Variants in PCNT observed in about 807,000 individuals in gnomAD.
PCNT encodes kendrin.
PCNT carries 319 observed loss-of-function variants against 380.4 expected under a neutral mutation model. That is an observed-to-expected ratio of 0.84 (90% CI 0.77 to 0.92). The LOEUF is 0.92. Among genes scored for constraint, PCNT ranks in the 40% least tolerant of loss-of-function variants. The pLI, the probability that PCNT is intolerant of heterozygous loss-of-function variation, is 0.00. For missense variants in PCNT, 4,400 were observed against 4,255.3 expected, an observed-to-expected ratio of 1.03 and a Z score of -0.95; for synonymous variants, 1,845 against 1,735.2, an observed-to-expected ratio of 1.06 and a Z score of -1.57.
chr21:46,351,493 T>C lies in PCNT; in HGVS notation c.1409T>C (p.Leu470Ser). The change falls in exon 9 of 47, where the codon TTG becomes TCG. Residue 470 changes from leucine (L) to serine (S), a missense_variant. By Grantham distance (145) the Leu-to-Ser change is moderately radical (BLOSUM62 -2). Coordinates refer to ENST00000359568, the MANE Select transcript of PCNT (RefSeq NM_006031.6). ...KAQSQEEIRR[L>S]WSQLDSARTS... ...CAATCACAAGAAGAGATCAGGCGCT[T>C]GTGGTCCCAGCTTGATTCTGCCAGG... 1 of 1,613,356 alleles carries C rather than the reference T, an allele frequency of 6.2e-7. No homozygotes were observed.
chr21:46,369,659 G>A (rs1569210953), intron 15 of PCNT, among the ~76,000 whole-genome samples: 2 of 152,230 alleles, frequency 1.3e-5, no homozygotes, highest in Non-Finnish European at 2.9e-5. Flanking sequence ...CACATGAAGT[G>A]TGTGTTTCAA....
At chr21:46,415,280 C>T (rs997942569) in intron 29 of PCNT, among the ~76,000 whole-genome samples, 3 of 151,512 alleles carry the variant, frequency 2.0e-5, no homozygotes, top group African/African-American at 4.9e-5. Flanking sequence ...CATGTGCTCT[C>T]GGGAAATACA....
intron 15 of PCNT, among the ~76,000 whole-genome samples, chr21:46,369,953 CGGGGGAGCCGGAGGTTCT>C (rs2085059160): frequency 6.6e-6 from 1 of 152,122 alleles, no homozygotes; most frequent in Non-Finnish European, 1.5e-5. Flanking sequence ...CTGGAGGAGC[CGGGGGAGCCGGAGGTTCT>C]GGGGGTGCTG....
At chr21:46,410,990 G>C (rs2086766394) in intron 27 of PCNT, among the ~76,000 whole-genome samples, 199 bp from the exon 28 acceptor site, 2 of 152,222 alleles carry the variant, frequency 1.3e-5, no homozygotes, top group Admixed American at 6.5e-5. Context: ...TGGAGCACAA[G>C]GTGTGCACCA....
At chr21:46,418,103 T>G in intron 30 of PCNT, 101 bp from the exon 31 acceptor site, 1 of 734,544 alleles carries the variant, frequency 1.4e-6, no homozygotes, top group Non-Finnish European at 2.5e-6. Context: ...GGGGTCTATG[T>G]GGGAAGATAA....
intron 42 of PCNT, 73 bp from the exon 43 acceptor site, chr21:46,440,782 G>A (rs2053588255): frequency 3.4e-6 from 3 of 895,248 alleles, no homozygotes; most frequent in Non-Finnish European, 5.6e-6. Context: ...AAGAGCAATG[G>A]TGTTAATGTG....
intron 1 of PCNT, among the ~76,000 whole-genome samples, chr21:46,325,673 A>C (rs778338061): frequency 6.6e-6 from 1 of 152,170 alleles, no homozygotes; most frequent in African/African-American, 2.4e-5. Context: ...GAGGGAACAG[A>C]TGTCTCCCCG....
At chr21:46,413,417 G>A (rs941226185) in intron 29 of PCNT, among the ~76,000 whole-genome samples, 2 of 152,232 alleles carry the variant, frequency 1.3e-5, no homozygotes, top group Admixed American at 1.3e-4. Context: ...TGTGGGTCTT[G>A]CCCTGGGCAG....
intron 24 of PCNT, among the ~76,000 whole-genome samples, chr21:46,398,910 C>T (rs562293172): frequency 8.6e-5 from 13 of 151,238 alleles, no homozygotes; most frequent in African/African-American, 3.2e-4. Flanking sequence ...AGCTCCACCT[C>T]CCGGGTTCAC....
Position 46,421,962 on chromosome 21 carries a change from G to A in PCNT, c.7025-8G>A, listed in dbSNP as rs1650267051. On this transcript the variant is annotated splice_region_variant and splice_polypyrimidine_tract_variant and intron_variant, in intron 31 of 46. Coordinates refer to ENST00000359568, the MANE Select transcript of PCNT (RefSeq NM_006031.6). Reference sequence around the variant, plus strand: ...GTGGGTGGGACCCTGACCCTGTGGTGTTTTTAGGTGACGGCTCGGGTTTTG... The same window carrying A: ...GTGGGTGGGACCCTGACCCTGTGGTATTTTTAGGTGACGGCTCGGGTTTTG... 6 of 1,613,968 alleles carry A rather than the reference G, an allele frequency of 3.7e-6. No homozygotes were observed. Among genetic ancestry groups the A allele is most frequent in the Non-Finnish European group, 5.1e-6 (6 of 1,179,870 alleles).
At position 46,363,751 on chromosome 21, in the gene PCNT, A is replaced by C. The variant is rs1569201678; in HGVS notation, c.2426A>C (p.Asp809Ala). 1 of 1,614,228 alleles carries C rather than the reference A, an allele frequency of 6.2e-7. No homozygotes were observed. The change falls in exon 14 of 47, where the codon GAT becomes GCT. Residue 809 changes from aspartate to alanine, a missense_variant. Asp to Ala is a moderately radical substitution (Grantham distance 126). Transcript: ENST00000359568. ...GACCAACAGGCAGCCCAGATCCTGGATCTGGAGAGGTCCTTGACGGAGCAG... is the reference window on the plus strand; with the variant it reads ...GACCAACAGGCAGCCCAGATCCTGGCTCTGGAGAGGTCCTTGACGGAGCAG... The part of the protein sequence containing the change: ...LQDQQAAQIL[D>A]LERSLTEQQG...
At chr21:46,430,399 C>T (rs2087700102) in intron 36 of PCNT, 108 bp from the exon 37 acceptor site, 1 of 1,460,318 alleles carries the variant, frequency 6.8e-7, no homozygotes, top group Non-Finnish European at 9.4e-7. Context: ...GGGGGTGAAG[C>T]ACACGTGTGG....
chr21:46,367,237 G>T (rs932921513), intron 15 of PCNT, 98 bp downstream of exon 15: 104 of 1,008,476 alleles, frequency 1.0e-4, no homozygotes, highest in Non-Finnish European at 1.5e-4. Context: ...TGCTGTGTGT[G>T]CCTGTGCGGG....
In PCNT at chr21:46,440,837, C is replaced by A; in HGVS notation, c.9394-18C>A. ...CTTTGTTTCCTATGATAAAATTTTA[C>A]TGCTTTTTTTCTTTTAGATGGAAAA... On this transcript the variant is annotated intron_variant, in intron 42 of 46. Coordinates refer to ENST00000359568, the MANE Select transcript of PCNT (RefSeq NM_006031.6). 1 of 1,471,208 alleles carries A rather than the reference C, an allele frequency of 6.8e-7. No homozygotes were observed. The highest frequency in any genetic ancestry group is 9.5e-7 in the Non-Finnish European group (1 of 1,050,012). 91.1% of individuals were successfully genotyped at this position (1,471,208 alleles called of 1,614,324 possible).
chr21:46,359,491 G>GTTGTTTTTTTT (rs2084618556), intron 13 of PCNT, among the ~76,000 whole-genome samples: 2 of 66,048 alleles, frequency 3.0e-5, no homozygotes, highest in African/African-American at 9.5e-5. Context: ...TTTTTTTTTT[G>GTTGTTTTTTTT]TTTTTTTTTT....
At position 46,363,818 on chromosome 21, in the gene PCNT, C is replaced by A; in HGVS notation, c.2493C>A (p.Asp831Glu). Residue 831 changes from aspartate to glutamate, a missense_variant, in exon 14 of 47, where the codon GAC (aspartate) becomes GAA (glutamate). Asp to Glu is a conservative substitution (Grantham distance 45, BLOSUM62 2). Transcript: ENST00000359568. ...LQQLEQDLTS[D>E]DALHCSQCGR... ...AGCTGGAACAGGACCTCACTTCAGA[C>A]GACGCCCTGCATTGCAGCCAGTGTG... 1 of 1,612,580 alleles carries A rather than the reference C, an allele frequency of 6.2e-7. No homozygotes were observed. The highest frequency in any genetic ancestry group is 1.1e-5 in the South Asian group (1 of 91,048).
Position 46,443,864 on chromosome 21 carries a change from C to T in PCNT, c.9755C>T (p.Thr3252Ile). ...CCCAGAACCAGAGAGTCCCCCCCAA[C>T]CCGGGATGTACCCTCTGGCCACACC... ...SPPRTRESPP[T>I]RDVPSGHTRD... The change falls in exon 45 of 47, where the codon ACC becomes ATC. Residue 3252 changes from threonine (T) to isoleucine (I), a missense_variant. Transcript: ENST00000359568. 6.2e-7 allele frequency: 1 copy of T among 1,613,338 alleles called. No homozygotes were observed. The highest frequency in any genetic ancestry group is 8.5e-7 in the Non-Finnish European group (1 of 1,179,986).
In PCNT at chr21:46,409,492, T is replaced by A. The variant is rs150509677; in HGVS notation, c.5116-1697T>A. Among the ~76,000 whole-genome samples, 349 of 152,226 alleles carry A rather than the reference T, an allele frequency of 2.3e-3. 2 individuals carry two copies. Among genetic ancestry groups the A allele is most frequent in the African/African-American group, 8.1e-3 (337 of 41,548 alleles). ...CGTGAGCCACTGTGCCCCGCCAGAT[T>A]ATACTTTTGAAGTTCTGAGAGCTCT... On this transcript the variant is annotated intron_variant, in intron 27 of 46. Coordinates refer to ENST00000359568, the MANE Select transcript of PCNT (RefSeq NM_006031.6).
chr21:46,429,719 T>C (rs2087670604), intron 35 of PCNT, among the ~76,000 whole-genome samples: 1 of 151,960 alleles, frequency 6.6e-6, no homozygotes, highest in Non-Finnish European at 1.5e-5. Flanking sequence ...TTGGAGGCAG[T>C]TTAGGGTGTG....
Sources: gnomAD v4.1 joint callset for allele counts (sites outside exome capture counted in the v4.1 genomes callset) on GRCh38, gnomAD v4.1.1 for gene constraint, MANE v1.5 for transcripts, NCBI Gene and HGNC (gene_info 2026-07-23, HGNC 2026-07-21) for gene names.